Variants in EZR observed in about 807,000 individuals in gnomAD.
The protein encoded by EZR is cytovillin 2.
EZR carries 40 observed loss-of-function variants against 74.8 expected under a neutral mutation model. That is an observed-to-expected ratio of 0.53 (90% CI 0.42 to 0.70). EZR has a LOEUF of 0.70. Ranked by LOEUF, EZR falls within the 30% of genes least tolerant of loss-of-function variation. EZR has a pLI of 0.00. For missense variants in EZR, 678 were observed against 755.8 expected (o/e 0.90, Z 1.21); for synonymous variants, 341 against 283.3 (o/e 1.20, Z -2.05).
At chr6:158,784,086 C>CT (rs1451184861) in intron 6 of EZR, among the ~76,000 whole-genome samples, 1 of 152,212 alleles carries the variant, frequency 6.6e-6, no homozygotes, top group Non-Finnish European at 1.5e-5. Context: ...AGCACAAAAT[C>CT]TGAGGCTCAA....
chr6:158,785,640 C>T, intron 4 of EZR, 57 bp from the exon 5 acceptor site: 1 of 1,594,142 alleles, frequency 6.3e-7, no homozygotes, highest in Admixed American at 1.7e-5. Context: ...GCCCACTGTC[C>T]CCAACACAGG....
Position 158,771,268 on chromosome 6 carries a change from T to C in EZR, c.935A>G (p.Glu312Gly). The C allele has an allele frequency of 2.5e-6, 4 of 1,613,738 alleles. No homozygotes were observed. Among genetic ancestry groups the C allele is most frequent in the Non-Finnish European group, 3.4e-6 (4 of 1,179,822 alleles). Reference sequence around the variant, plus strand: ...CCGCTCCAGCTGCTTCTGATGCTTCTCCTCCCGGGCCTGGGCCTTCATCTG... The same window carrying C: ...CCGCTCCAGCTGCTTCTGATGCTTCCCCTCCCGGGCCTGGGCCTTCATCTG... ...VQQMKAQARE[E>G]KHQKQLERQQ... The change falls in exon 9 of 14, where the codon GAG (glutamate) becomes GGG (glycine). Residue 312 changes from glutamate to glycine, a missense_variant. Glu to Gly is a moderately conservative substitution (Grantham distance 98, BLOSUM62 -2). This residue lies in a region of EZR where 119 missense variants were observed against 182.3 expected (regional missense o/e 0.65). Coordinates refer to ENST00000367075, the MANE Select transcript of EZR (RefSeq NM_001111077.2).
chr6:158,799,359 C>T (rs368257772), intron 2 of EZR, among the ~76,000 whole-genome samples: 7 of 152,160 alleles, frequency 4.6e-5, no homozygotes, highest in Admixed American at 3.3e-4. Context: ...AGTGCCCGGG[C>T]GGCAGGGGGC....
intron 2 of EZR, among the ~76,000 whole-genome samples, chr6:158,795,577 C>T (rs1777053434): frequency 6.6e-6 from 1 of 152,170 alleles, no homozygotes; most frequent in African/African-American, 2.4e-5. Context: ...TTCATTCGAT[C>T]CACAAATACC....
chr6:158,803,550 T>C (rs868539937), intron 2 of EZR, among the ~76,000 whole-genome samples: 28 of 1,710 alleles, frequency 0.016, 3 homozygotes, highest in Non-Finnish European at 0.023. Flanking sequence ...TATATGTATA[T>C]ATATATATAT....
At chr6:158,808,324 T>C (rs1275944220) in intron 2 of EZR, among the ~76,000 whole-genome samples, 1 of 152,146 alleles carries the variant, frequency 6.6e-6, no homozygotes, top group Non-Finnish European at 1.5e-5. Flanking sequence ...CGGGAAGCAG[T>C]TGCTGTTCTG....
chr6:158,789,629 C>G (rs939345680), intron 2 of EZR: 23 of 547,320 alleles, frequency 4.2e-5, no homozygotes, highest in Non-Finnish European at 8.0e-5. Flanking sequence ...CAGTTTTTCT[C>G]TTTTCTTTGA....
chr6:158,773,573 C>A (rs1454975597), intron 8 of EZR, among the ~76,000 whole-genome samples: 1 of 152,142 alleles, frequency 6.6e-6, no homozygotes, highest in East Asian at 1.9e-4. Context: ...AAAAATAAAC[C>A]CAAGACCCTA....
chr6:158,774,561 A>G lies in EZR; in HGVS notation c.795+1847T>C, dbSNP rs532436843. Among the ~76,000 whole-genome samples the G allele has an allele frequency of 3.0e-4, 45 of 151,904 alleles. No individual in the cohort carries two copies. In the South Asian group the frequency reaches 9.1e-3, roughly 31 times the overall value. On this transcript the variant is annotated intron_variant, in intron 8 of 13. Transcript: ENST00000367075. ...TCTTTTGCTTACGAGATGGCTTCAC[A>G]TGAGGCTACTCTATAATAAAGGCAC...
At chr6:158,792,814 CAAA>C (rs571823556) in intron 2 of EZR, among the ~76,000 whole-genome samples, 2 of 131,266 alleles carry the variant, frequency 1.5e-5, no homozygotes, top group Non-Finnish European at 1.6e-5. Context: ...GACTCCATCT[CAAA>C]AAAAAAAAAA....
intron 2 of EZR, among the ~76,000 whole-genome samples, chr6:158,803,556 T>C (rs1480405000): frequency 0.01 from 34 of 3,336 alleles, 3 homozygotes; most frequent in African/African-American, 0.02. Flanking sequence ...TATATATATA[T>C]ATATATATAT....
chr6:158,773,932 C>CA (rs1327242200), intron 8 of EZR, among the ~76,000 whole-genome samples: 3 of 152,192 alleles, frequency 2.0e-5, no homozygotes, highest in Non-Finnish European at 2.9e-5. Context: ...TACAAGGTCC[C>CA]ATCTAAAGAG....
At chr6:158,775,722 A>G (rs2128567595) in intron 8 of EZR, among the ~76,000 whole-genome samples, 1 of 152,362 alleles carries the variant, frequency 6.6e-6, no homozygotes, top group African/African-American at 2.4e-5. Flanking sequence ...CCATTCTACA[A>G]TGCTACAGTT....
At chr6:158,767,623 CTG>C in intron 12 of EZR, 111 bp from the exon 13 acceptor site, 1 of 1,154,042 alleles carries the variant, frequency 8.7e-7, no homozygotes, top group Non-Finnish European at 1.2e-6. Context: ...CAGCACTGAA[CTG>C]TGCTGGGCTG....
rs79898968 is a variant in EZR at position 158,770,958 on chromosome 6, C to T, written c.960-64G>A. On this transcript the variant is annotated intron_variant, in intron 9 of 13. Coordinates refer to ENST00000367075, the MANE Select transcript of EZR (RefSeq NM_001111077.2). ...CTGGCAGGAAAGTGAGGGGTCAACA[C>T]ACTTCACGGGTACTTGAAGCTCCAG... The T allele has an allele frequency of 2.6e-5, 42 of 1,609,628 alleles. No individual in the cohort carries two copies. In the East Asian group the frequency reaches 9.1e-4, roughly 35 times the overall value.
At chr6:158,785,202 C>T in intron 5 of EZR, 107 bp downstream of exon 5, 4 of 1,395,956 alleles carry the variant, frequency 2.9e-6, no homozygotes, top group Non-Finnish European at 3.9e-6. Flanking sequence ...GAGCACTTGA[C>T]ACTGGCGAAG....
At chr6:158,818,984 T>G (rs1777630589) in intron 1 of EZR, among the ~76,000 whole-genome samples, 1 of 152,206 alleles carries the variant, frequency 6.6e-6, no homozygotes. Context: ...GTAGCAACCG[T>G]TGCCCCGCGG....
At chr6:158,770,023 A>C (rs1024747700) in intron 10 of EZR, 79 bp from the exon 11 acceptor site, 1 of 1,565,684 alleles carries the variant, frequency 6.4e-7, no homozygotes, top group African/African-American at 1.4e-5. Flanking sequence ...TCCCACCCCC[A>C]AAGCCACAGA....
intron 1 of EZR, 37 bp downstream of exon 1, chr6:158,819,280 G>C (rs1777639705): frequency 6.6e-6 from 1 of 151,468 alleles, no homozygotes; most frequent in African/African-American, 2.4e-5. Context: ...CCCCCGCCCA[G>C]AACCCCCGTC....
Sources: allele counts gnomAD v4.1 joint callset (sites outside exome capture counted in the v4.1 genomes callset), GRCh38; gene constraint gnomAD v4.1.1; regional missense constraint gnomAD v4.1.1; transcripts MANE v1.5; gene names NCBI Gene and HGNC (gene_info 2026-07-23, HGNC 2026-07-21).